The following FGD6 variants were observed in gnomAD, a reference collection of about 807,000 sequenced individuals.
FGD6 encodes FYVE, RhoGEF and PH domain containing 6.
In FGD6, 90 loss-of-function variants were observed where a neutral mutation model predicts 149.4. The ratio of observed to expected loss-of-function variants is 0.60; its 90% CI spans 0.51 to 0.72. The LOEUF (loss-of-function observed/expected upper bound fraction) is 0.72, where lower values mean the gene tolerates loss of function less well. FGD6 is among the 30% of genes least tolerant of loss of function. The pLI, the probability that FGD6 is intolerant of heterozygous loss-of-function variation, is 0.00. For missense variants in FGD6, 1,437 were observed against 1,684.8 expected, an observed-to-expected ratio of 0.85 and a Z score of 2.57; for synonymous variants, 527 against 584.0, an observed-to-expected ratio of 0.90 and a Z score of 1.41.
At chr12:95,189,717 T>C (rs1881537546) in intron 2 of FGD6, 1 of 150,266 alleles carries the variant, frequency 6.7e-6, no homozygotes, top group Admixed American at 6.6e-5. Context: ...GCATCAACAG[T>C]TAATCAAGTA....
intron 8 of FGD6, among the ~76,000 whole-genome samples, chr12:95,119,614 G>C (rs1178205244): frequency 1.3e-5 from 2 of 152,176 alleles, no homozygotes; most frequent in Non-Finnish European, 2.9e-5. Flanking sequence ...TAAGTTAATG[G>C]GTTTGGATTT....
Position 95,193,530 on chromosome 12 carries a change from GT to G in FGD6, c.2441+15312del, listed in dbSNP as rs754634855. On this transcript the variant is annotated intron_variant, in intron 2 of 20. Coordinates refer to ENST00000343958, the MANE Select transcript of FGD6 (RefSeq NM_018351.4). ...CCACCACCACACCTGGTTAATTCTT[GT>G]TTTTTTTTTTTTTTTGAGACGGTGT... Among the ~76,000 whole-genome samples the G allele has an allele frequency of 2.0e-3, 264 of 129,134 alleles. 1 individual carries two copies. Among genetic ancestry groups the G allele is most frequent in the Non-Finnish European group, 2.5e-3 (150 of 60,590 alleles). The allele number at this position is 129,134 out of a possible 152,430, so 84.7% of individuals were successfully genotyped here.
chr12:95,083,012 A>AATATATATATATATATATAT, intron 20 of FGD6, among the ~76,000 whole-genome samples: 66 of 19,990 alleles, frequency 3.3e-3, no homozygotes, highest in Non-Finnish European at 4.4e-3. Flanking sequence ...AAAAAAAAAA[A>AATATATATATATATATATAT]ATATATATAT....
At chr12:95,123,783 C>T (rs938976953) in intron 8 of FGD6, among the ~76,000 whole-genome samples, 15 of 152,050 alleles carry the variant, frequency 9.9e-5, no homozygotes, top group Non-Finnish European at 1.8e-4. Context: ...AGGACGGTCT[C>T]GATCTCCTGA....
chr12:95,210,195 A>G lies in FGD6; in HGVS notation c.1089T>C (p.Val363=). ...ENSLKINKIS[V]LHQNVLCKQE... ...GCTTACACAAAACATTCTGATGCAG[A>G]ACACTGATTTTATTGATTTTCAAAC... The change falls in exon 2 of 21, where the codon GTT becomes GTC. Residue 363 remains valine (V), a synonymous_variant. Coordinates refer to ENST00000343958, the MANE Select transcript of FGD6 (RefSeq NM_018351.4). The G allele has an allele frequency of 2.5e-6, 4 of 1,614,032 alleles. No homozygotes were observed. In the South Asian group the frequency reaches 3.3e-5, roughly 13 times the overall value.
intron 5 of FGD6, among the ~76,000 whole-genome samples, chr12:95,148,810 T>C (rs573669280): frequency 5.1e-5 from 3 of 59,332 alleles, no homozygotes; most frequent in African/African-American, 1.8e-4. Context: ...TATGTTATAT[T>C]ACATATATTA....
chr12:95,126,264 C>T lies in FGD6; in HGVS notation c.3082+8475G>A. 3.7e-6 allele frequency: 5 copies of T among 1,342,182 alleles called. No individual in the cohort carries two copies. In the African/African-American group the frequency reaches 7.2e-5, roughly 19 times the overall value. The allele number at this position is 1,342,182 out of a possible 1,614,324, so 83.1% of individuals were successfully genotyped here. A position where few individuals can be genotyped will look rare whatever the true frequency, so the allele number is the denominator to read the frequency against. Reference sequence around the variant, plus strand: ...GATGACCGCTGTGGGCAAGAAGGCTCCAGCCCAGAAGGTTCCTGCCCAGAA... The same window carrying T: ...GATGACCGCTGTGGGCAAGAAGGCTTCAGCCCAGAAGGTTCCTGCCCAGAA... On this transcript the variant is annotated intron_variant, in intron 8 of 20. Coordinates refer to ENST00000343958, the MANE Select transcript of FGD6 (RefSeq NM_018351.4).
intron 3 of FGD6, among the ~76,000 whole-genome samples, chr12:95,167,419 T>C (rs10859843): frequency 0.077 from 11,771 of 152,224 alleles, 629 homozygotes; most frequent in East Asian, 0.25. Context: ...ATGGCTACCC[T>C]AGTGGGTGTG....
At chr12:95,149,302 ATAT>A (rs1239890981) in intron 5 of FGD6, among the ~76,000 whole-genome samples, 2 of 94,822 alleles carry the variant, frequency 2.1e-5, no homozygotes, top group Admixed American at 1.7e-4. Flanking sequence ...TATATATAAT[ATAT>A]TATATTATAT....
At chr12:95,113,215 C>T (rs1042748950) in intron 9 of FGD6, among the ~76,000 whole-genome samples, 1 of 148,726 alleles carries the variant, frequency 6.7e-6, no homozygotes, top group African/African-American at 2.5e-5. Context: ...ATGGAGTTTC[C>T]AGGAAGGCCT....
At chr12:95,213,708 CT>C (rs1297278219) in intron 1 of FGD6, among the ~76,000 whole-genome samples, 1 of 152,182 alleles carries the variant, frequency 6.6e-6, no homozygotes. Flanking sequence ...CACAAATCTG[CT>C]TCCAAGAGAT....
rs775314086 is a variant in FGD6 at position 95,209,332 on chromosome 12, C to G, written c.1952G>C (p.Ser651Thr). 6.2e-7 allele frequency: 1 copy of G among 1,613,112 alleles called. No individual in the cohort carries two copies. The change falls in exon 2 of 21, where the codon AGT (serine) becomes ACT (threonine). Residue 651 changes from serine to threonine, a missense_variant. Ser to Thr is a moderately conservative substitution (Grantham distance 58). Coordinates refer to ENST00000343958, the MANE Select transcript of FGD6 (RefSeq NM_018351.4). Reference sequence around the variant, plus strand: ...TGTGGTGGTGTCTCCGAGTTGGCTACTCTTGGACCAAAATTTTTGAAAGTC... The same window carrying G: ...TGTGGTGGTGTCTCCGAGTTGGCTAGTCTTGGACCAAAATTTTTGAAAGTC... The part of the protein sequence containing the change: ...KSDFQKFWSK[S>T]SQLGDTTTGH...
chr12:95,099,504 C>T (rs1268718877), intron 14 of FGD6, among the ~76,000 whole-genome samples: 1 of 152,150 alleles, frequency 6.6e-6, no homozygotes, highest in Non-Finnish European at 1.5e-5. Flanking sequence ...GCTCTCTTTC[C>T]CTCATGCCAG....
At chr12:95,206,698 G>GAAAAAA (rs746280054) in intron 2 of FGD6, among the ~76,000 whole-genome samples, 2 of 114,784 alleles carry the variant, frequency 1.7e-5, no homozygotes, top group Non-Finnish European at 3.9e-5. Context: ...TGTCTCCAAA[G>GAAAAAA]AAAAAAAAAA....
intron 18 of FGD6, among the ~76,000 whole-genome samples, chr12:95,086,988 C>T (rs1459477424): frequency 1.3e-5 from 2 of 151,896 alleles, no homozygotes; most frequent in African/African-American, 4.8e-5. Context: ...GCTGGGATTA[C>T]AGGCGTGCAC....
intron 2 of FGD6, among the ~76,000 whole-genome samples, chr12:95,207,661 C>G (rs1187682063): frequency 6.6e-6 from 1 of 152,204 alleles, no homozygotes; most frequent in Non-Finnish European, 1.5e-5. Flanking sequence ...ACTGATTCTA[C>G]TAGGCCTCTT....
intron 2 of FGD6, among the ~76,000 whole-genome samples, chr12:95,179,776 T>C (rs933246796): frequency 2.0e-5 from 3 of 151,904 alleles, no homozygotes; most frequent in Admixed American, 6.6e-5. Flanking sequence ...GGGTTATACA[T>C]TCATATAATG....
intron 5 of FGD6, among the ~76,000 whole-genome samples, chr12:95,146,573 G>C (rs1490232933): frequency 6.6e-6 from 1 of 152,108 alleles, no homozygotes; most frequent in Non-Finnish European, 1.5e-5. Flanking sequence ...GTTAGCTATA[G>C]AGTTTGTTAG....
intron 8 of FGD6, among the ~76,000 whole-genome samples, chr12:95,118,203 T>C (rs1207349786): frequency 1.3e-5 from 2 of 151,720 alleles, no homozygotes; most frequent in Non-Finnish European, 2.9e-5. Flanking sequence ...ATATAAAAAT[T>C]CACCAGGCAT....
Sources: allele counts gnomAD v4.1 joint callset (sites outside exome capture counted in the v4.1 genomes callset), GRCh38; gene constraint gnomAD v4.1.1; transcripts MANE v1.5; gene names NCBI Gene and HGNC (gene_info 2026-07-23, HGNC 2026-07-21).